CCDC63: variants seen among roughly 807,000 people sequenced by gnomAD.
CCDC63 encodes the protein coiled-coil domain-containing protein 63.
CCDC63 carries 54 observed loss-of-function variants against 63.6 expected under a neutral mutation model. The observed-to-expected ratio is 0.85, with a 90% CI of 0.68 to 1.07. The LOEUF (loss-of-function observed/expected upper bound fraction) is 1.07. Ranked by LOEUF, CCDC63 falls within the 50% of genes least tolerant of loss-of-function variation. The pLI, the probability that CCDC63 is intolerant of heterozygous loss-of-function variation, is 0.00. For missense variants in CCDC63, 637 were observed against 689.6 expected, an observed-to-expected ratio of 0.92 and a Z score of 0.86; for synonymous variants, 253 against 266.1, an observed-to-expected ratio of 0.95 and a Z score of 0.48.
chr12:110,869,044 TAG>T (rs1332668355), intron 4 of CCDC63, among the ~76,000 whole-genome samples: 1 of 152,166 alleles, frequency 6.6e-6, no homozygotes, highest in Admixed American at 6.5e-5. Context: ...CTGTGCTGTG[TAG>T]ACTTTCTGAA....
Position 110,884,067 on chromosome 12 carries a change from A to G in CCDC63, c.891A>G (p.Gly297=). The G allele has an allele frequency of 6.2e-7, 1 of 1,613,972 alleles. No individual in the cohort carries two copies. ...AGAAGCATGTCAAGAAGAACAGGGG[A>G]GAGAGTTTTGAGAGCTATGAGGTGG... is the stretch of plus-strand genomic sequence containing the variant. ...KAKKHVKKNR[G]ESFESYEVAH... is the part of the protein sequence containing the mutation. The change falls in exon 8 of 12, where the codon GGA becomes GGG. Residue 297 remains glycine (G), a synonymous_variant. Transcript: ENST00000308208.
intron 4 of CCDC63, 47 bp from the exon 5 acceptor site, chr12:110,873,795 T>C (rs1375215451): frequency 8.1e-6 from 13 of 1,605,870 alleles, no homozygotes; most frequent in Non-Finnish European, 1.1e-5. Flanking sequence ...CGGGTACCCA[T>C]ACAGATGCTA....
At chr12:110,856,844 C>CTTTTTTTTTTTT (rs34855503) in intron 3 of CCDC63, among the ~76,000 whole-genome samples, 1 of 115,548 alleles carries the variant, frequency 8.7e-6, no homozygotes, top group African/African-American at 3.0e-5. Context: ...CCTTTCCTTT[C>CTTTTTTTTTTTT]TTTTTTTTTT....
chr12:110,857,614 C>T (rs2070790873), intron 3 of CCDC63, among the ~76,000 whole-genome samples: 1 of 152,124 alleles, frequency 6.6e-6, no homozygotes, highest in African/African-American at 2.4e-5. Flanking sequence ...GAGTGGGTGT[C>T]AGTCTCCAGA....
At chr12:110,871,580 G>A (rs2071068990) in intron 4 of CCDC63, among the ~76,000 whole-genome samples, 2 of 131,828 alleles carry the variant, frequency 1.5e-5, no homozygotes, top group South Asian at 5.0e-4. Flanking sequence ...TTTTTTTTGA[G>A]ACAGAGACTT....
intron 4 of CCDC63, among the ~76,000 whole-genome samples, chr12:110,861,032 A>G (rs2070846485): frequency 6.6e-6 from 1 of 152,224 alleles, no homozygotes; most frequent in South Asian, 2.1e-4. Flanking sequence ...CAGGCACGTC[A>G]CATGGCCAGA....
intron 8 of CCDC63, among the ~76,000 whole-genome samples, chr12:110,886,239 G>A (rs2071276978): frequency 6.6e-6 from 1 of 152,044 alleles, no homozygotes; most frequent in Non-Finnish European, 1.5e-5. Flanking sequence ...ATACAAAAAT[G>A]AGCTGGGCAT....
intron 10 of CCDC63, 28 bp from the exon 11 acceptor site, chr12:110,904,560 C>T: frequency 6.2e-7 from 1 of 1,609,888 alleles, no homozygotes; most frequent in Non-Finnish European, 8.5e-7. Flanking sequence ...TCTCGGCAGC[C>T]ATCTTGGTCC....
intron 3 of CCDC63, among the ~76,000 whole-genome samples, chr12:110,855,070 C>T (rs1241136104): frequency 3.3e-5 from 5 of 151,898 alleles, no homozygotes; most frequent in East Asian, 1.9e-4. Context: ...GGATTACAGG[C>T]GTGAGCCACC....
chr12:110,867,975 C>T (rs1275981337), intron 4 of CCDC63, among the ~76,000 whole-genome samples: 75 of 125,668 alleles, frequency 6.0e-4, no homozygotes, highest in African/African-American at 1.4e-3. Context: ...ACTTCTCAGA[C>T]GGGGCGGTTG....
upstream of CCDC63, among the ~76,000 whole-genome samples, chr12:110,844,844 G>A (rs1239455346): frequency 6.6e-6 from 1 of 152,190 alleles, no homozygotes; most frequent in East Asian, 1.9e-4. Flanking sequence ...AATTCATTTT[G>A]AGATAGTTCG....
rs2071534823 is a variant in CCDC63 at position 110,904,681 on chromosome 12, C to T, written c.1436C>T (p.Pro479Leu). 1 of 1,614,106 alleles carries T rather than the reference C, an allele frequency of 6.2e-7. No individual in the cohort carries two copies. The highest frequency in any genetic ancestry group is 8.5e-7 in the Non-Finnish European group (1 of 1,180,024). ...GGGGCAGAGGCTGAGATCCCGCCAC[C>T]CTTCATCAACCCTTTCTGGGGTGGC... ...VEGAEAEIPP[P>L]FINPFWGGSA... is the part of the protein sequence containing the mutation. The change falls in exon 11 of 12, where the codon CCC becomes CTC. Residue 479 changes from proline to leucine, a missense_variant. Pro to Leu is a moderately conservative substitution (Grantham distance 98). Coordinates refer to ENST00000308208, the MANE Select transcript of CCDC63 (RefSeq NM_152591.3).
intron 10 of CCDC63, 140 bp from the exon 11 acceptor site, chr12:110,904,448 C>A (rs1012841443): frequency 1.5e-6 from 1 of 680,976 alleles, no homozygotes; most frequent in Non-Finnish European, 2.6e-6. Flanking sequence ...CAGGAGAAAG[C>A]CTTTTCCTTG....
intron 4 of CCDC63, among the ~76,000 whole-genome samples, chr12:110,863,131 T>C (rs771248585): frequency 2.6e-5 from 4 of 152,110 alleles, no homozygotes; most frequent in Non-Finnish European, 5.9e-5. Context: ...CATTGGTGAG[T>C]TAGTGAGGGT....
chr12:110,882,981 C>A (rs2071226375), intron 7 of CCDC63, among the ~76,000 whole-genome samples: 1 of 151,946 alleles, frequency 6.6e-6, no homozygotes, highest in South Asian at 2.1e-4. Context: ...TCCCACTTTG[C>A]CCTCCCGAGT....
At chr12:110,868,721 G>C (rs1418685129) in intron 4 of CCDC63, among the ~76,000 whole-genome samples, 2 of 126,220 alleles carry the variant, frequency 1.6e-5, no homozygotes, top group South Asian at 3.2e-4. Context: ...GGGAGAGGGA[G>C]AGGGAGAGGG....
At chr12:110,866,919 C>T (rs1295739922) in intron 4 of CCDC63, among the ~76,000 whole-genome samples, 5 of 149,786 alleles carry the variant, frequency 3.3e-5, no homozygotes, top group South Asian at 2.1e-4. Context: ...CCCTCACCTC[C>T]GGGACGGGGC....
intron 9 of CCDC63, among the ~76,000 whole-genome samples, chr12:110,894,515 G>A (rs947700535): frequency 7.9e-5 from 12 of 152,176 alleles, no homozygotes; most frequent in African/African-American, 2.4e-4. Flanking sequence ...TGGGAGACAG[G>A]GATGGCCGCC....
At chr12:110,881,391 T>C in intron 7 of CCDC63, 95 bp downstream of exon 7, 1 of 1,277,060 alleles carries the variant, frequency 7.8e-7, no homozygotes, top group Non-Finnish European at 1.1e-6. Flanking sequence ...CCAAGTCTCC[T>C]TGTGGTTGTC....
Sources: gnomAD v4.1 joint callset for allele counts (sites outside exome capture counted in the v4.1 genomes callset) on GRCh38, gnomAD v4.1.1 for gene constraint, MANE v1.5 for transcripts, NCBI Gene and HGNC (gene_info 2026-07-23, HGNC 2026-07-21) for gene names.